HMBOX1: variants seen among roughly 807,000 people sequenced by gnomAD.
HMBOX1 encodes homeobox containing 1.
In HMBOX1, 14 loss-of-function variants were observed where a neutral mutation model predicts 54.5. The ratio of observed to expected loss-of-function variants is 0.26; its 90% CI spans 0.17 to 0.40. The LOEUF is 0.40. Among genes scored for constraint, HMBOX1 ranks in the 10% least tolerant of loss-of-function variants. The probability of loss-of-function intolerance (pLI) is 1.00; values close to 1 mark genes in which losing one functional copy is unlikely to be tolerated. For synonymous variants in HMBOX1, 160 were observed against 181.0 expected, an observed-to-expected ratio of 0.88 and a Z score of 0.93; for missense variants, 332 against 514.4, an observed-to-expected ratio of 0.65 and a Z score of 3.43.
chr8:28,974,858 A>T (rs1828108838), intron 3 of HMBOX1, among the ~76,000 whole-genome samples: 1 of 152,188 alleles, frequency 6.6e-6, no homozygotes, highest in South Asian at 2.1e-4. Flanking sequence ...AGTCTGTCAG[A>T]TAGATGATTA....
intron 4 of HMBOX1, among the ~76,000 whole-genome samples, chr8:28,980,380 C>T (rs189829481): frequency 6.6e-6 from 1 of 152,232 alleles, no homozygotes; most frequent in East Asian, 1.9e-4. Flanking sequence ...TTAATAAGCA[C>T]AAAATTCCCT....
At chr8:28,905,144 T>C (rs1814037268) in intron 1 of HMBOX1, among the ~76,000 whole-genome samples, 1 of 152,164 alleles carries the variant, frequency 6.6e-6, no homozygotes, top group South Asian at 2.1e-4. Context: ...AGAAGGGGAA[T>C]CTAGAGAATA....
intron 1 of HMBOX1, among the ~76,000 whole-genome samples, chr8:28,955,311 A>G (rs554686843): frequency 2.6e-5 from 4 of 151,724 alleles, no homozygotes; most frequent in African/African-American, 9.7e-5. Context: ...TCCTATACGC[A>G]CACCCATTCT....
At chr8:28,908,009 T>C (rs1563364194) in intron 1 of HMBOX1, among the ~76,000 whole-genome samples, 1 of 152,024 alleles carries the variant, frequency 6.6e-6, no homozygotes, top group Non-Finnish European at 1.5e-5. Flanking sequence ...CCACAGTTTT[T>C]GTATGGCTAG....
intron 4 of HMBOX1, among the ~76,000 whole-genome samples, chr8:29,007,204 G>A (rs1833585318): frequency 1.3e-5 from 2 of 151,762 alleles, no homozygotes; most frequent in East Asian, 1.9e-4. Flanking sequence ...CGGGGGAATC[G>A]CTTGAACCCA....
intron 6 of HMBOX1, among the ~76,000 whole-genome samples, chr8:29,024,967 C>T (rs1801792036): frequency 6.6e-6 from 1 of 150,726 alleles, no homozygotes; most frequent in African/African-American, 2.5e-5. Context: ...ACCCTCCCTA[C>T]CCCCCACCCC....
intron 1 of HMBOX1, among the ~76,000 whole-genome samples, chr8:28,938,055 G>C (rs1308567916): frequency 6.6e-6 from 1 of 152,050 alleles, no homozygotes; most frequent in Non-Finnish European, 1.5e-5. Flanking sequence ...GTTTCAATTT[G>C]TCATACTAGA....
intron 1 of HMBOX1, among the ~76,000 whole-genome samples, chr8:28,963,142 C>A (rs1314649374): frequency 6.6e-5 from 10 of 151,936 alleles, no homozygotes; most frequent in Non-Finnish European, 1.5e-4. Context: ...GTGCCACCAC[C>A]CCCGGCTAAT....
At chr8:29,017,590 G>A (rs1208655122) in intron 5 of HMBOX1, among the ~76,000 whole-genome samples, 2 of 152,204 alleles carry the variant, frequency 1.3e-5, no homozygotes, top group East Asian at 3.8e-4. Context: ...GATAATTAGA[G>A]AAGTGAAAGA....
intron 1 of HMBOX1, among the ~76,000 whole-genome samples, chr8:28,934,795 C>T (rs1397185268): frequency 6.6e-6 from 1 of 151,978 alleles, no homozygotes; most frequent in Non-Finnish European, 1.5e-5. Context: ...GGCGCGGTGG[C>T]AGGCGCCTGT....
chr8:29,034,325 C>T (rs182431271), intron 6 of HMBOX1, among the ~76,000 whole-genome samples: 127 of 152,266 alleles, frequency 8.3e-4, no homozygotes, highest in African/African-American at 2.8e-3. Flanking sequence ...TACTTTGACA[C>T]GTCGTCCATG....
intron 1 of HMBOX1, among the ~76,000 whole-genome samples, chr8:28,939,800 G>A (rs1301846733): frequency 2.6e-5 from 4 of 151,730 alleles, no homozygotes; most frequent in East Asian, 3.9e-4. Context: ...GTCAGCCACC[G>A]TGCCCGGCCG....
intron 5 of HMBOX1, chr8:29,010,017 T>C: frequency 2.0e-6 from 2 of 984,576 alleles, no homozygotes; most frequent in South Asian, 9.4e-5. Context: ...GGCTCTGAGG[T>C]AGAAATAAAG....
intron 4 of HMBOX1, among the ~76,000 whole-genome samples, chr8:29,003,140 T>C (rs7017460): frequency 0.015 from 2,273 of 152,046 alleles, 39 homozygotes; most frequent in African/African-American, 0.038. Context: ...CAGTCTTCTT[T>C]AGGGGACAGT....
rs1374838120 is a variant in HMBOX1 at position 28,970,192 on chromosome 8, G to A, written c.173G>A (p.Ser58Asn). The A allele has an allele frequency of 1.2e-6, 2 of 1,614,084 alleles. No individual in the cohort carries two copies. Among genetic ancestry groups the A allele is most frequent in the Middle Eastern group, 1.6e-4 (1 of 6,084 alleles). ...ETLDRLDQEH[S>N]DKFGRRSSYG... ...TTGGACCGTCTTGATCAAGAGCATA[G>A]TGACAAGTTTGGAAGAAGGTCCAGC... The change falls in exon 3 of 10, where the codon AGT becomes AAT. Residue 58 changes from serine to asparagine, a missense_variant. Ser to Asn is a conservative substitution (Grantham distance 46). Around this residue, in one of 4 missense-constraint regions of HMBOX1, gnomAD observed 146 missense variants for 173.3 expected, o/e 0.84. Coordinates refer to ENST00000287701, the MANE Select transcript of HMBOX1 (RefSeq NM_001135726.3). The surrounding 1 kb of genome is among the most constrained non-coding windows in gnomAD (Gnocchi z 4.3).
chr8:29,021,332 C>A (rs1012596681), intron 6 of HMBOX1, among the ~76,000 whole-genome samples: 17 of 151,690 alleles, frequency 1.1e-4, no homozygotes, highest in Admixed American at 9.8e-4. Flanking sequence ...TATTTCCTAA[C>A]CATGACCCAA....
At chr8:28,901,910 A>G (rs754148622) in intron 1 of HMBOX1, among the ~76,000 whole-genome samples, 5 of 152,186 alleles carry the variant, frequency 3.3e-5, no homozygotes, top group Non-Finnish European at 5.9e-5. Flanking sequence ...TTATCTTACT[A>G]GTTAAAACCT....
rs193240648 is a variant in HMBOX1 at position 28,950,074 on chromosome 8, C to A, written c.-57-13737C>A. Among the ~76,000 whole-genome samples, 3 of 152,306 alleles carry A rather than the reference C, an allele frequency of 2.0e-5. No individual in the cohort carries two copies. The East Asian group carries it at 5.8e-4, about 29-fold the overall frequency. ...AGTTTATCTTCAATTATGATTAAAT[C>A]ATTAAATGTATTTCATCAAGTATTC... On this transcript the variant is annotated intron_variant, in intron 1 of 9. Coordinates refer to ENST00000287701, the MANE Select transcript of HMBOX1 (RefSeq NM_001135726.3).
At chr8:29,000,370 C>A (rs1157238196) in intron 4 of HMBOX1, among the ~76,000 whole-genome samples, 1 of 152,262 alleles carries the variant, frequency 6.6e-6, no homozygotes, top group African/African-American at 2.4e-5. Flanking sequence ...TCTTCATAGC[C>A]CTATACATGT....
Sources: gnomAD v4.1 joint callset for allele counts (sites outside exome capture counted in the v4.1 genomes callset) on GRCh38, gnomAD v4.1.1 for gene constraint, gnomAD v4.1.1 regional missense constraint, Gnocchi (gnomAD v3.1) non-coding constraint, MANE v1.5 for transcripts, NCBI Gene and HGNC (gene_info 2026-07-23, HGNC 2026-07-21) for gene names.